Variants in EBF1 observed in about 807,000 individuals in gnomAD.
EBF1 encodes transcription factor COE1.
In EBF1, 10 loss-of-function variants were observed where a neutral mutation model predicts 68.4. That is an observed-to-expected ratio of 0.15 (90% CI 0.09 to 0.25). The LOEUF (loss-of-function observed/expected upper bound fraction) is 0.25. EBF1 is among the 10% of genes least tolerant of loss of function. The pLI, the probability that EBF1 is intolerant of heterozygous loss-of-function variation, is 1.00. For missense variants in EBF1, 509 were observed against 794.4 expected (o/e 0.64, Z 4.32); for synonymous variants, 298 against 299.8 (o/e 0.99, Z 0.06).
chr5:159,031,766 C>G (rs1200177496), intron 6 of EBF1, among the ~76,000 whole-genome samples: 1 of 152,218 alleles, frequency 6.6e-6, no homozygotes, highest in Non-Finnish European at 1.5e-5. Context: ...CAGCAGGGCT[C>G]TCGCTGCGCT....
intron 8 of EBF1, among the ~76,000 whole-genome samples, chr5:158,816,083 G>A (rs141760294): frequency 3.0e-4 from 46 of 152,284 alleles, no homozygotes; most frequent in African/African-American, 1.1e-3. Context: ...TACTTAGCCT[G>A]GGCCCTTCAC....
chr5:158,707,777 C>T, intron 15 of EBF1: 1 of 594,854 alleles, frequency 1.7e-6, no homozygotes. Flanking sequence ...GCACCTCCAG[C>T]AGAGGAGAGA....
intron 6 of EBF1, among the ~76,000 whole-genome samples, chr5:158,968,244 A>C (rs1013450977): frequency 1.3e-5 from 2 of 152,222 alleles, no homozygotes; most frequent in African/African-American, 2.4e-5. Flanking sequence ...AATACCAGTC[A>C]GATAAAGCTC....
At chr5:158,723,055 C>T (rs1007578104) in intron 11 of EBF1, among the ~76,000 whole-genome samples, 5 of 152,156 alleles carry the variant, frequency 3.3e-5, no homozygotes, top group African/African-American at 1.2e-4. Context: ...GAAAGAGTTC[C>T]AGCACTGAGC....
chr5:158,865,902 C>T (rs1039218858), intron 6 of EBF1, among the ~76,000 whole-genome samples: 3 of 152,138 alleles, frequency 2.0e-5, no homozygotes, highest in Admixed American at 6.5e-5. Context: ...AAAGAAAGGT[C>T]TTATTCACCA....
chr5:158,929,743 G>A (rs1231986419), intron 6 of EBF1, among the ~76,000 whole-genome samples: 1 of 152,184 alleles, frequency 6.6e-6, no homozygotes, highest in Non-Finnish European at 1.5e-5. Flanking sequence ...ATCAATAAGT[G>A]CAAAAGATTA....
At chr5:158,744,132 C>T (rs1045456776) in intron 10 of EBF1, among the ~76,000 whole-genome samples, 1 of 150,902 alleles carries the variant, frequency 6.6e-6, no homozygotes, top group South Asian at 2.1e-4. Flanking sequence ...GCAGCCTGGG[C>T]AACAAAGTGA....
intron 6 of EBF1, among the ~76,000 whole-genome samples, chr5:158,944,865 T>G (rs1439989924): frequency 6.6e-6 from 1 of 152,234 alleles, no homozygotes; most frequent in Non-Finnish European, 1.5e-5. Flanking sequence ...CATAAAAGTC[T>G]TCTTTAGAAA....
chr5:159,025,462 C>A lies in EBF1; in HGVS notation c.554+47934G>T, dbSNP rs577215562. On this transcript the variant is annotated intron_variant, in intron 6 of 15. Coordinates refer to ENST00000313708, the MANE Select transcript of EBF1 (RefSeq NM_024007.5). ...CATGAGTTATGATTTTTGTTTTTCC[C>A]GCACTGTGTATACATGACATGACAT... Among the ~76,000 whole-genome samples the A allele has an allele frequency of 2.0e-5, 3 of 152,280 alleles. No individual in the cohort carries two copies. In the South Asian group the frequency reaches 6.2e-4, roughly 32 times the overall value.
chr5:158,710,765 C>G (rs921515041), intron 14 of EBF1, among the ~76,000 whole-genome samples: 1 of 152,216 alleles, frequency 6.6e-6, no homozygotes, highest in Non-Finnish European at 1.5e-5. Context: ...CATACTTTCA[C>G]TATGAGACAG....
chr5:159,014,880 G>T (rs1214095538), intron 6 of EBF1, among the ~76,000 whole-genome samples: 1 of 152,162 alleles, frequency 6.6e-6, no homozygotes, highest in Non-Finnish European at 1.5e-5. Context: ...GAACAGGGAT[G>T]AGACCACCCT....
At chr5:158,952,560 A>G (rs115253597) in intron 6 of EBF1, among the ~76,000 whole-genome samples, 3,558 of 152,338 alleles carry the variant, frequency 0.023, 140 homozygotes, top group African/African-American at 0.082. Context: ...TCATTAATGA[A>G]TAATTAATTA....
intron 11 of EBF1, among the ~76,000 whole-genome samples, chr5:158,723,638 T>C (rs7716399): frequency 0.85 from 129,592 of 152,092 alleles, 55,372 homozygotes; most frequent in East Asian, 0.99. Flanking sequence ...TCTAAATGGA[T>C]TACTGGTTAG....
intron 6 of EBF1, among the ~76,000 whole-genome samples, chr5:158,938,222 T>C (rs543493175): frequency 2.6e-5 from 4 of 152,340 alleles, no homozygotes; most frequent in Admixed American, 2.0e-4. Flanking sequence ...ACATAGCCTC[T>C]GAATTAATCA....
intron 6 of EBF1, among the ~76,000 whole-genome samples, chr5:159,029,389 G>T (rs1768328857): frequency 6.6e-6 from 1 of 152,162 alleles, no homozygotes; most frequent in African/African-American, 2.4e-5. Context: ...GTGTCTGAAG[G>T]AGTAATTCTT....
chr5:158,798,646 G>A (rs77793493), intron 8 of EBF1, among the ~76,000 whole-genome samples: 8 of 152,242 alleles, frequency 5.3e-5, no homozygotes, highest in South Asian at 2.1e-4. Context: ...ACATGCATGC[G>A]TGTGTATGTG....
At chr5:158,770,720 C>A (rs539538693) in intron 10 of EBF1, among the ~76,000 whole-genome samples, 1 of 152,062 alleles carries the variant, frequency 6.6e-6, no homozygotes, top group Non-Finnish European at 1.5e-5. Context: ...CTACCCCCAC[C>A]CTTCACTGGT....
chr5:159,097,665 C>T (rs545609612), intron 1 of EBF1: 7 of 234,690 alleles, frequency 3.0e-5, no homozygotes, highest in East Asian at 1.8e-4. Flanking sequence ...CACATCCCCC[C>T]ACCACCAAAA....
chr5:159,038,580 A>C (rs1362232785), intron 6 of EBF1, among the ~76,000 whole-genome samples: 1 of 152,180 alleles, frequency 6.6e-6, no homozygotes, highest in Non-Finnish European at 1.5e-5. Flanking sequence ...ATTAACTTAG[A>C]CTGCATTTAA....
Sources: gnomAD v4.1 joint callset for allele counts (sites outside exome capture counted in the v4.1 genomes callset) on GRCh38, gnomAD v4.1.1 for gene constraint, MANE v1.5 for transcripts, NCBI Gene and HGNC (gene_info 2026-07-23, HGNC 2026-07-21) for gene names.